The following DOCK11 variants were observed in gnomAD, a reference collection of about 807,000 sequenced individuals.
DOCK11 encodes the protein dedicator of cytokinesis protein 11.
A neutral mutation model predicts 169.1 loss-of-function variants in DOCK11; 70 were observed. That is an observed-to-expected ratio of 0.41 (90% confidence interval 0.34 to 0.51). DOCK11 has a LOEUF of 0.51. DOCK11 is among the 20% of genes least tolerant of loss of function. The probability of loss-of-function intolerance (pLI) is 0.10; values close to 1 mark genes in which losing one functional copy is unlikely to be tolerated. For missense variants in DOCK11, 1,166 were observed against 1,538.8 expected (o/e 0.76, Z 4.05); for synonymous variants, 529 against 541.3 (o/e 0.98, Z 0.32).
In DOCK11 at chrX:118,582,579, A is replaced by G. The variant is rs150067427; in HGVS notation, c.1596-2156A>G. 4.6e-4 allele frequency among the ~76,000 whole-genome samples: 51 copies of G among 111,750 alleles called. 3 individuals are homozygous for G. The East Asian group carries it at 0.014, about 31-fold the overall frequency. Reference sequence around the variant, plus strand: ...TGGATGTTTAAAAGATATATGATAAACCTCTGTTTACTAGAAATAAAGGAG... The same window carrying G: ...TGGATGTTTAAAAGATATATGATAAGCCTCTGTTTACTAGAAATAAAGGAG... On this transcript the variant is annotated intron_variant, in intron 14 of 52. Coordinates refer to ENST00000276202, the MANE Select transcript of DOCK11 (RefSeq NM_144658.4).
chrX:118,569,091 C>CTTTTTTTTTTTTT (rs1186200391), intron 10 of DOCK11, among the ~76,000 whole-genome samples: 6 of 44,987 alleles, frequency 1.3e-4, no homozygotes, highest in Non-Finnish European at 2.0e-4. Flanking sequence ...TCTTTCTTTC[C>CTTTTTTTTTTTTT]TTTTTTTTTT....
chrX:118,569,091 CTTTTTTTTTT>C, intron 10 of DOCK11, among the ~76,000 whole-genome samples: 1 of 45,007 alleles, frequency 2.2e-5, no homozygotes, highest in Admixed American at 3.5e-4. Flanking sequence ...TCTTTCTTTC[CTTTTTTTTTT>C]TTTTTTTTTT....
chrX:118,630,434 A>G lies in DOCK11; in HGVS notation c.3830A>G (p.Tyr1277Cys), dbSNP rs1010838393. Residue 1277 changes from tyrosine to cysteine, a missense_variant, in exon 35 of 53, where the codon TAT becomes TGT. Coordinates refer to ENST00000276202, the MANE Select transcript of DOCK11 (RefSeq NM_144658.4). Reference sequence around the variant, plus strand: ...TCCCAGTATAACCGCCTGGATCAGTATGAAATCAGAAGCCTCCTGATGTGC... The same window carrying G: ...TCCCAGTATAACCGCCTGGATCAGTGTGAAATCAGAAGCCTCCTGATGTGC... ...SVSQYNRLDQ[Y>C]EIRSLLMCYL... 14 of 1,208,525 alleles carry G rather than the reference A, an allele frequency of 1.2e-5. No homozygotes were observed. The highest frequency in any genetic ancestry group is 1.5e-5 in the Non-Finnish European group (13 of 894,079).
chrX:118,531,470 A>C (rs2011577968), intron 1 of DOCK11, among the ~76,000 whole-genome samples: 1 of 95,726 alleles, frequency 1.0e-5, no homozygotes, highest in East Asian at 3.4e-4. Context: ...GAAGCTGAGT[A>C]ATTTTATGTT....
intron 6 of DOCK11, among the ~76,000 whole-genome samples, chrX:118,552,426 T>C (rs1005661112): frequency 4.0e-4 from 45 of 111,889 alleles, no homozygotes; most frequent in African/African-American, 1.4e-3. Context: ...GTTCTTCGTA[T>C]TGGAAGATTA....
At chrX:118,631,804 G>A (rs1055351195) in intron 35 of DOCK11, among the ~76,000 whole-genome samples, 3 of 110,786 alleles carry the variant, frequency 2.7e-5, no homozygotes, top group African/African-American at 6.6e-5. Flanking sequence ...AGAGAGAGAA[G>A]GTAGGAGGAG....
intron 9 of DOCK11, among the ~76,000 whole-genome samples, 155 bp downstream of exon 9, chrX:118,566,808 C>T (rs1170034570): frequency 8.9e-6 from 1 of 112,427 alleles, no homozygotes; most frequent in Admixed American, 9.4e-5. Flanking sequence ...AAAAGTTGCA[C>T]TCCTGAAGAC....
At chrX:118,584,699 T>A in intron 14 of DOCK11, 36 bp from the exon 15 acceptor site, 1 of 1,066,377 alleles carries the variant, frequency 9.4e-7, no homozygotes, top group Non-Finnish European at 1.2e-6. Flanking sequence ...ACATGGAATT[T>A]TTTTTTTTAA....
chrX:118,564,717 C>CTCTCTCTT (rs1452871800), intron 7 of DOCK11, among the ~76,000 whole-genome samples: 1 of 108,466 alleles, frequency 9.2e-6, no homozygotes, highest in African/African-American at 3.4e-5. Flanking sequence ...CTCTTTCTCT[C>CTCTCTCTT]TCTCTCTTTC....
chrX:118,659,189 C>T (rs762907818), intron 44 of DOCK11, among the ~76,000 whole-genome samples: 20 of 111,676 alleles, frequency 1.8e-4, no homozygotes, highest in African/African-American at 6.2e-4. Flanking sequence ...CCATCTTCCA[C>T]ACCCCTTCCC....
chrX:118,566,751 C>A, intron 9 of DOCK11, 98 bp downstream of exon 9: 2 of 765,624 alleles, frequency 2.6e-6, no homozygotes, highest in Non-Finnish European at 3.7e-6. Flanking sequence ...GTCATTTCCA[C>A]GTTAAAAACC....
At position 118,680,633 on chromosome X, in the gene DOCK11, T is replaced by C; in HGVS notation, c.5612T>C (p.Leu1871Ser). 1 of 1,210,654 alleles carries C rather than the reference T, an allele frequency of 8.3e-7. No homozygotes were observed. The highest frequency in any genetic ancestry group is 1.1e-6 in the Non-Finnish European group (1 of 895,011). The change falls in exon 49 of 53, where the codon TTA becomes TCA. Residue 1871 changes from leucine to serine, a missense_variant. By Grantham distance (145) the Leu-to-Ser change is moderately radical. Coordinates refer to ENST00000276202, the MANE Select transcript of DOCK11 (RefSeq NM_144658.4). ...TTTGTTTTTGAGGCCCCTTACACTT[T>C]ATCAGGCAAAAAACAGGGCTGTATA... ...SRFVFEAPYTLSGKKQGCIEE... is the reference protein window; with the variant it reads ...SRFVFEAPYTSSGKKQGCIEE...
At chrX:118,565,972 A>G in intron 7 of DOCK11, 33 bp from the exon 8 acceptor site, 1 of 1,184,696 alleles carries the variant, frequency 8.4e-7, no homozygotes, top group Non-Finnish European at 1.1e-6. Context: ...GGACAACTAA[A>G]CTAACTGAAC....
At chrX:118,610,610 G>A (rs776358248) in intron 28 of DOCK11, among the ~76,000 whole-genome samples, 192 bp downstream of exon 28, 9 of 110,961 alleles carry the variant, frequency 8.1e-5, no homozygotes, top group African/African-American at 2.6e-4. Context: ...TCTCTTTGAT[G>A]CACTGATTTT....
intron 44 of DOCK11, among the ~76,000 whole-genome samples, chrX:118,655,458 C>T (rs758130456): frequency 1.3e-4 from 14 of 111,681 alleles, no homozygotes; most frequent in African/African-American, 3.9e-4. Context: ...TTTGTTTCCC[C>T]GTCATGTGTC....
At chrX:118,679,949 C>CA (rs1331115983) in intron 48 of DOCK11, among the ~76,000 whole-genome samples, 88 of 65,176 alleles carry the variant, frequency 1.4e-3, no homozygotes, top group African/African-American at 6.0e-3. Context: ...TTTTTGGAGA[C>CA]AGAGTTTCAC....
intron 37 of DOCK11, among the ~76,000 whole-genome samples, chrX:118,638,516 T>C (rs1309609238): frequency 8.9e-6 from 1 of 112,187 alleles, no homozygotes; most frequent in Non-Finnish European, 1.9e-5. Flanking sequence ...AATTGGGACA[T>C]AAATGATACA....
At chrX:118,566,710 A>G in intron 9 of DOCK11, 57 bp downstream of exon 9, 1 of 1,038,954 alleles carries the variant, frequency 9.6e-7, no homozygotes, top group Non-Finnish European at 1.3e-6. Flanking sequence ...ATTAGCTATT[A>G]AAGTTTTAAT....
chrX:118,548,524 CAGTCAGGGAAAGAGATGTAAGGAT>C (rs374545083), intron 6 of DOCK11, among the ~76,000 whole-genome samples: 177 of 111,450 alleles, frequency 1.6e-3, no homozygotes, highest in African/African-American at 5.4e-3. Context: ...CAGAAAAGGA[CAGTCAGGGAAAGAGATGTAAGGAT>C]AGTCAGGGAA....
Sources: allele counts gnomAD v4.1 joint callset (sites outside exome capture counted in the v4.1 genomes callset), GRCh38; gene constraint gnomAD v4.1.1; transcripts MANE v1.5; gene names NCBI Gene and HGNC (gene_info 2026-07-23, HGNC 2026-07-21).